Variants in NRXN1 observed in about 807,000 individuals in gnomAD.
NRXN1 encodes neurexin 1, also known as neurexin-1.
Under a neutral mutation model 150.9 loss-of-function variants are expected in NRXN1, and 39 were observed. The observed-to-expected ratio is 0.26, with a 90% confidence interval of 0.20 to 0.34. NRXN1 has a LOEUF of 0.34. NRXN1 is among the 10% of genes least tolerant of loss of function. NRXN1 has a pLI of 1.00. For missense variants in NRXN1, 1,815 were observed against 1,949.9 expected (o/e 0.93, Z 1.30); for synonymous variants, 924 against 757.0 (o/e 1.22, Z -3.62).
intron 5 of NRXN1, among the ~76,000 whole-genome samples, chr2:50,809,611 G>A (rs753994740): frequency 9.2e-5 from 14 of 151,984 alleles, no homozygotes; most frequent in Non-Finnish European, 1.5e-4. Context: ...ATGCCGTCAC[G>A]CTCCAGAAAA....
At chr2:50,770,691 C>T (rs1301216256) in intron 5 of NRXN1, among the ~76,000 whole-genome samples, 1 of 151,858 alleles carries the variant, frequency 6.6e-6, no homozygotes, top group African/African-American at 2.4e-5. Context: ...TTTTTTATTA[C>T]TATTTTTCAA....
rs1010940250 is a variant in NRXN1, at chr2:50,053,410, A to C, written c.3989T>G (p.Val1330Gly). 1.9e-6 allele frequency: 3 copies of C among 1,613,902 alleles called. No homozygotes were observed. The Admixed American group carries it at 5.0e-5, about 27-fold the overall frequency. The change falls in exon 21 of 23, where the codon GTG (valine) becomes GGG (glycine). Residue 1330 changes from valine to glycine, a missense_variant. Around this residue, in one of 6 missense-constraint regions of NRXN1, gnomAD observed 265 missense variants for 307.1 expected, o/e 0.86. Coordinates refer to ENST00000401669, the MANE Select transcript of NRXN1 (RefSeq NM_001330078.2). ...IVGNVRLVGE[V>G]PSSMTTESTA... is the part of the protein sequence containing the mutation. ...TGACTCAGTTGTCATAGAGGAAGGC[A>C]CTTCACCAACCAGTCTCACATTTCC... is the stretch of plus-strand genomic sequence containing the variant.
intron 21 of NRXN1, among the ~76,000 whole-genome samples, chr2:49,961,093 T>TATG (rs1271874514): frequency 3.9e-5 from 6 of 152,056 alleles, no homozygotes; most frequent in Non-Finnish European, 8.8e-5. Flanking sequence ...TCTAGGGGTG[T>TATG]ATGTTCTTCA....
intron 19 of NRXN1, among the ~76,000 whole-genome samples, chr2:50,078,337 G>A (rs1312756047): frequency 6.6e-6 from 1 of 150,808 alleles, no homozygotes; most frequent in Non-Finnish European, 1.5e-5. Flanking sequence ...TGAGTAAAAG[G>A]TATTTTTAGG....
rs929876070 is a variant in NRXN1 at position 50,817,594 on chromosome 2, G to A, written c.832+104275C>T. ...GCCAATATCCCTAGTGAACACAGAT[G>A]CAAAAATTCACAACAAAATACTAAC... On this transcript the variant is annotated intron_variant, in intron 5 of 22. Transcript: ENST00000401669. Among the ~76,000 whole-genome samples the A allele has an allele frequency of 5.3e-5, 8 of 152,128 alleles. 1 individual carries two copies. The East Asian group carries it at 1.5e-3, about 29-fold the overall frequency.
chr2:50,421,686 G>A (rs917760714), intron 17 of NRXN1, among the ~76,000 whole-genome samples: 2 of 152,108 alleles, frequency 1.3e-5, no homozygotes, highest in African/African-American at 4.8e-5. Flanking sequence ...ATATGCACTA[G>A]TAGATTTGGA....
chr2:49,978,688 T>C (rs562811873), intron 21 of NRXN1, among the ~76,000 whole-genome samples: 7 of 115,478 alleles, frequency 6.1e-5, no homozygotes, highest in Admixed American at 3.4e-4. Context: ...GAGAGAGAGA[T>C]AGCCATAAAA....
intron 5 of NRXN1, chr2:50,632,462 T>G (rs1419938903): frequency 6.6e-6 from 1 of 152,034 alleles, no homozygotes; most frequent in Admixed American, 6.6e-5. Context: ...TACCTCCTTC[T>G]CGAACTGTGG....
At chr2:50,602,272 T>A (rs547617059) in intron 8 of NRXN1, among the ~76,000 whole-genome samples, 8 of 152,094 alleles carry the variant, frequency 5.3e-5, no homozygotes, top group African/African-American at 1.7e-4. Context: ...ACAAAAAAAA[T>A]CACCATCCAG....
intron 8 of NRXN1, among the ~76,000 whole-genome samples, chr2:50,590,400 A>G (rs1425216388): frequency 6.6e-6 from 1 of 152,176 alleles, no homozygotes; most frequent in Non-Finnish European, 1.5e-5. Context: ...CACTGCGTCT[A>G]TGAAACATTA....
intron 18 of NRXN1, among the ~76,000 whole-genome samples, chr2:50,094,305 A>G (rs1474885342): frequency 6.6e-6 from 1 of 152,184 alleles, no homozygotes; most frequent in Non-Finnish European, 1.5e-5. Flanking sequence ...TTAATTACCT[A>G]CTTCTAGTCC....
At chr2:50,106,075 A>G (rs1411686358) in intron 18 of NRXN1, among the ~76,000 whole-genome samples, 5 of 151,906 alleles carry the variant, frequency 3.3e-5, no homozygotes, top group African/African-American at 1.2e-4. Flanking sequence ...CTCTCTTAAA[A>G]ACATAATGAC....
chr2:50,820,738 G>C (rs1163367147), intron 5 of NRXN1, among the ~76,000 whole-genome samples: 1 of 152,050 alleles, frequency 6.6e-6, no homozygotes, highest in East Asian at 1.9e-4. Flanking sequence ...GGAGGAGCCT[G>C]GTGTGATTTC....
intron 21 of NRXN1, among the ~76,000 whole-genome samples, chr2:49,950,523 A>T (rs1673739934): frequency 6.6e-6 from 1 of 152,026 alleles, no homozygotes; most frequent in Non-Finnish European, 1.5e-5. Flanking sequence ...TATTCTCAGT[A>T]CACATGAAGG....
intron 21 of NRXN1, among the ~76,000 whole-genome samples, chr2:50,050,518 G>A (rs917290304): frequency 2.0e-5 from 3 of 151,938 alleles, no homozygotes; most frequent in African/African-American, 7.2e-5. Context: ...GACCCTTTCT[G>A]ATACACAATT....
intron 9 of NRXN1, among the ~76,000 whole-genome samples, chr2:50,544,571 T>C (rs1215996456): frequency 6.6e-6 from 1 of 152,156 alleles, no homozygotes; most frequent in African/African-American, 2.4e-5. Context: ...AACAGAACTC[T>C]AATGACAAAA....
At chr2:50,718,855 C>T (rs1291478454) in intron 5 of NRXN1, among the ~76,000 whole-genome samples, 1 of 152,056 alleles carries the variant, frequency 6.6e-6, no homozygotes, top group African/African-American at 2.4e-5. Flanking sequence ...TCCCTCTCAT[C>T]CTCCATCTCT....
intron 18 of NRXN1, among the ~76,000 whole-genome samples, chr2:50,092,090 A>G (rs2152698305): frequency 6.6e-6 from 1 of 152,320 alleles, no homozygotes; most frequent in East Asian, 1.9e-4. Flanking sequence ...ACAGGAAGGT[A>G]CAAGACTTGT....
At chr2:50,542,956 G>C (rs1035709321) in intron 9 of NRXN1, among the ~76,000 whole-genome samples, 1 of 152,078 alleles carries the variant, frequency 6.6e-6, no homozygotes, top group Non-Finnish European at 1.5e-5. Context: ...TTAAAATTGA[G>C]TTATAAAATC....
Sources: allele counts gnomAD v4.1 joint callset (sites outside exome capture counted in the v4.1 genomes callset), GRCh38; gene constraint gnomAD v4.1.1; regional missense constraint gnomAD v4.1.1; transcripts MANE v1.5; gene names NCBI Gene and HGNC (gene_info 2026-07-23, HGNC 2026-07-21).